The following CIP2A variants were observed in gnomAD, a reference collection of about 807,000 sequenced individuals.
The protein encoded by CIP2A is cellular inhibitor of PP2A.
In CIP2A, 103 loss-of-function variants were observed where a neutral mutation model predicts 110.9. The observed-to-expected ratio is 0.93, with a 90% CI of 0.79 to 1.09. CIP2A has a LOEUF of 1.09. Among genes scored for constraint, CIP2A ranks in the 50% least tolerant of loss-of-function variants. The pLI, the probability that CIP2A is intolerant of heterozygous loss-of-function variation, is 0.00. For synonymous variants in CIP2A, 381 were observed against 361.6 expected (o/e 1.05, Z -0.61); for missense variants, 1,088 against 1,038.4 (o/e 1.05, Z -0.66).
intron 13 of CIP2A, among the ~76,000 whole-genome samples, chr3:108,561,295 C>G (rs1937998214): frequency 6.6e-6 from 1 of 152,104 alleles, no homozygotes. Context: ...TGAGCTGTTC[C>G]TTTATCTGGA....
intron 1 of CIP2A, among the ~76,000 whole-genome samples, chr3:108,586,479 C>T (rs1939042929): frequency 1.3e-5 from 2 of 152,166 alleles, no homozygotes; most frequent in Non-Finnish European, 2.9e-5. Flanking sequence ...ATTATATGCA[C>T]TAGGTAAAAT....
chr3:108,553,472 A>G (rs765880562), intron 19 of CIP2A, among the ~76,000 whole-genome samples, 176 bp downstream of exon 19: 2 of 151,964 alleles, frequency 1.3e-5, no homozygotes, highest in Non-Finnish European at 2.9e-5. Flanking sequence ...CACTTTTTCA[A>G]CTTGATTAAA....
intron 5 of CIP2A, among the ~76,000 whole-genome samples, chr3:108,580,803 T>C (rs1938847153): frequency 6.6e-6 from 1 of 152,102 alleles, no homozygotes; most frequent in African/African-American, 2.4e-5. Context: ...TAATTTTTTG[T>C]ATTTTGGTAG....
At chr3:108,560,879 G>A (rs377120933) in intron 13 of CIP2A, 38 bp from the exon 14 acceptor site, 52 of 1,380,764 alleles carry the variant, frequency 3.8e-5, no homozygotes, top group Non-Finnish European at 4.1e-5. Context: ...AAAATTATAC[G>A]AAAATAGAAG....
intron 7 of CIP2A, among the ~76,000 whole-genome samples, chr3:108,577,046 G>T (rs1352058313): frequency 1.3e-5 from 2 of 152,088 alleles, no homozygotes; most frequent in African/African-American, 2.4e-5. Flanking sequence ...TAGAAGTTAG[G>T]CATATAAGAG....
chr3:108,566,638 G>A lies in CIP2A; in HGVS notation c.1274C>T (p.Thr425Ile), dbSNP rs764367066. The A allele has an allele frequency of 1.9e-6, 3 of 1,565,270 alleles. No homozygotes were observed. Among genetic ancestry groups the A allele is most frequent in the Non-Finnish European group, 2.6e-6 (3 of 1,157,388 alleles). ...TTTTAGTGTATCATCTCCACAGAGA[G>A]GTTAAGTTTTGTTAAGATATACAAC... ...RIAKAIEVLL[T>I]LCGDDTLKMH... is the part of the protein sequence containing the mutation. Residue 425 changes from threonine to isoleucine, a missense_variant and splice_region_variant, in exon 11 of 21, where the codon ACT becomes ATT. Coordinates refer to ENST00000295746, the MANE Select transcript of CIP2A (RefSeq NM_020890.3).
In CIP2A at chr3:108,582,173, A is replaced by C; in HGVS notation, c.387T>G (p.Tyr129Ter). ...QCIQLLQKLT[Y>*]NVKIFYSGAN... ...CACCAGAATAGAAAATTTTGACATTATATGTTAACTTCTGTAGAAGTTGAA... is the reference window on the plus strand; with the variant it reads ...CACCAGAATAGAAAATTTTGACATTCTATGTTAACTTCTGTAGAAGTTGAA... Residue 129 changes from tyrosine (Y) to a stop codon, truncating the protein, a stop_gained, in exon 4 of 21, where the codon TAT becomes TAG. Coordinates refer to ENST00000295746, the MANE Select transcript of CIP2A (RefSeq NM_020890.3). LOFTEE classifies it high-confidence loss of function. The C allele has an allele frequency of 2.0e-6, 3 of 1,473,902 alleles. No homozygotes were observed. In the South Asian group the frequency reaches 3.8e-5, roughly 18 times the overall value. 91.3% of individuals were successfully genotyped at this position (1,473,902 alleles called of 1,614,324 possible).
intron 8 of CIP2A, among the ~76,000 whole-genome samples, chr3:108,574,242 G>A (rs1938491622): frequency 6.6e-6 from 1 of 151,932 alleles, no homozygotes; most frequent in Admixed American, 6.6e-5. Flanking sequence ...AATGGCCAAT[G>A]AATATGTAAA....
intron 8 of CIP2A, among the ~76,000 whole-genome samples, chr3:108,570,349 T>C (rs1394057436): frequency 6.6e-6 from 1 of 152,168 alleles, no homozygotes; most frequent in Non-Finnish European, 1.5e-5. Context: ...TTTAAAAGAA[T>C]CCAGTCCATT....
rs140844445 is a variant in CIP2A at position 108,577,617 on chromosome 3, C to T, written c.819-1271G>A. ...GAGAAAAACAAAAAATTTCAAAGACCGGCCAGGCCAGCAGCTCATGCCTGT... is the reference window on the plus strand; with the variant it reads ...GAGAAAAACAAAAAATTTCAAAGACTGGCCAGGCCAGCAGCTCATGCCTGT... On this transcript the variant is annotated intron_variant, in intron 7 of 20. Transcript: ENST00000295746. Among the ~76,000 whole-genome samples, 767 of 152,156 alleles carry T rather than the reference C, an allele frequency of 5.0e-3. 13 individuals are homozygous for T. The highest frequency in any genetic ancestry group is 0.026 in the Admixed American group (393 of 15,272).
At chr3:108,563,389 T>A in intron 12 of CIP2A, 145 bp from the exon 13 acceptor site, 1 of 615,690 alleles carries the variant, frequency 1.6e-6, no homozygotes, top group East Asian at 2.8e-5. Context: ...TTATAGTCTA[T>A]ATAGTTTGAA....
chr3:108,575,593 T>TAC (rs1938577303), intron 8 of CIP2A, among the ~76,000 whole-genome samples: 3 of 78,838 alleles, frequency 3.8e-5, no homozygotes, highest in African/African-American at 1.1e-4. Context: ...TGTGTATATA[T>TAC]ACGTGTATAT....
intron 1 of CIP2A, among the ~76,000 whole-genome samples, chr3:108,588,851 T>C (rs1367289677): frequency 6.6e-6 from 1 of 151,774 alleles, no homozygotes; most frequent in East Asian, 1.9e-4. Flanking sequence ...CGAGTTCAAG[T>C]AAGAGCAGTA....
In CIP2A at chr3:108,581,441, A is replaced by G; in HGVS notation, c.523T>C (p.Ser175Pro). The change falls in exon 5 of 21, where the codon TCT becomes CCT. Residue 175 changes from serine (S) to proline (P), a missense_variant. Ser to Pro is a moderately conservative substitution (Grantham distance 74). Coordinates refer to ENST00000295746, the MANE Select transcript of CIP2A (RefSeq NM_020890.3). ...AATGTCTTTATGTGCGTTTGAACAG[A>G]AAGATTGTGCCGACAAAGATTTGCC... ...LLANLCRHNL[S>P]VQTHIKTLSN... 6.2e-7 allele frequency: 1 copy of G among 1,612,730 alleles called. No individual in the cohort carries two copies. Among genetic ancestry groups the G allele is most frequent in the South Asian group, 1.1e-5 (1 of 90,976 alleles).
chr3:108,570,797 C>T (rs1241240556), intron 8 of CIP2A, among the ~76,000 whole-genome samples: 1 of 152,022 alleles, frequency 6.6e-6, no homozygotes, highest in Non-Finnish European at 1.5e-5. Flanking sequence ...TTAAGCTACA[C>T]TATTTTTTAA....
intron 12 of CIP2A, among the ~76,000 whole-genome samples, chr3:108,564,216 T>C (rs777000263): frequency 2.0e-5 from 3 of 151,892 alleles, no homozygotes; most frequent in Admixed American, 6.6e-5. Context: ...GTCGAGGAAA[T>C]TGAAGTCGAG....
chr3:108,569,514 T>C lies in CIP2A; in HGVS notation c.988A>G (p.Thr330Ala). The C allele has an allele frequency of 6.2e-7, 1 of 1,612,726 alleles. No individual in the cohort carries two copies. Among genetic ancestry groups the C allele is most frequent in the Non-Finnish European group, 8.5e-7 (1 of 1,179,320 alleles). ...AAACATTTAGTATGGCTTCCCAGAGTGGCGCTGCCAGGTGGAGACTGTTCA... is the reference window on the plus strand; with the variant it reads ...AAACATTTAGTATGGCTTCCCAGAGCGGCGCTGCCAGGTGGAGACTGTTCA... ...MFEQSPPGSA[T>A]LGSHTKCLEP... Residue 330 changes from threonine (T) to alanine (A), a missense_variant, in exon 9 of 21, where the codon ACT becomes GCT. By Grantham distance (58) the Thr-to-Ala change is moderately conservative. Transcript: ENST00000295746.
chr3:108,571,380 T>G (rs1472562300), intron 8 of CIP2A, among the ~76,000 whole-genome samples: 1 of 152,122 alleles, frequency 6.6e-6, no homozygotes, highest in Admixed American at 6.6e-5. Context: ...TGCACCACCA[T>G]GTTAGAATGG....
chr3:108,583,576 AGGCT>A, intron 2 of CIP2A, among the ~76,000 whole-genome samples: 1 of 152,214 alleles, frequency 6.6e-6, no homozygotes, highest in South Asian at 2.1e-4. Flanking sequence ...CAGTTACCAG[AGGCT>A]GGGAAGAATA....
Sources: gnomAD v4.1 joint callset for allele counts (sites outside exome capture counted in the v4.1 genomes callset) on GRCh38, gnomAD v4.1.1 for gene constraint, MANE v1.5 for transcripts, NCBI Gene and HGNC (gene_info 2026-07-23, HGNC 2026-07-21) for gene names.